OR1D2: variants seen among roughly 807,000 people sequenced by gnomAD.
OR1D2 encodes olfactory receptor 1D2.
For missense variants in OR1D2, 357 were observed against 376.1 expected (o/e 0.95, Z 0.42); for synonymous variants, 157 against 153.9 (o/e 1.02, Z -0.15).
chr17:3,100,752 T>A (rs576801961), intron 1 of OR1D2, among the ~76,000 whole-genome samples: 1 of 151,626 alleles, frequency 6.6e-6, no homozygotes, highest in South Asian at 2.1e-4. Flanking sequence ...TTTGAAAAAA[T>A]TAACAAAATG....
At chr17:3,102,708 CG>C (rs1400964389) in intron 1 of OR1D2, among the ~76,000 whole-genome samples, 3 of 152,102 alleles carry the variant, frequency 2.0e-5, no homozygotes, top group African/African-American at 7.2e-5. Flanking sequence ...CCACCTCCCC[CG>C]GGGTCAGGAG....
At chr17:3,102,347 C>T (rs963511534) in intron 1 of OR1D2, among the ~76,000 whole-genome samples, 9 of 152,042 alleles carry the variant, frequency 5.9e-5, no homozygotes, top group African/African-American at 1.9e-4. Flanking sequence ...TAGATGTCCA[C>T]GGTAGGTGGC....
Position 3,092,139 on chromosome 17 carries a change from G to A in OR1D2, c.858C>T (p.Pro286=). 2 of 1,614,050 alleles carry A rather than the reference G, an allele frequency of 1.2e-6. No homozygotes were observed. The highest frequency in any genetic ancestry group is 1.7e-6 in the Non-Finnish European group (2 of 1,179,924). The change falls in exon 2 of 2, where the codon CCC becomes CCT. Residue 286 remains proline, a synonymous_variant. Coordinates refer to ENST00000641833, the MANE Select transcript of OR1D2 (RefSeq NM_002548.3). ...CCTTGTTCCTCAGGCTGTAGATGAA[G>A]GGATTCATCATGGGTGTCACCACAG... ...MYAVVTPMMN[P]FIYSLRNKDM...
At chr17:3,101,116 C>G (rs1002312546) in intron 1 of OR1D2, among the ~76,000 whole-genome samples, 1 of 152,136 alleles carries the variant, frequency 6.6e-6, no homozygotes, top group Non-Finnish European at 1.5e-5. Flanking sequence ...GGTACCACTC[C>G]TTCTGAAACT....
At chr17:3,100,285 C>T (rs560188711) in intron 1 of OR1D2, among the ~76,000 whole-genome samples, 7 of 152,226 alleles carry the variant, frequency 4.6e-5, no homozygotes, top group East Asian at 1.9e-4. Flanking sequence ...GGAAGTAAAA[C>T]GCTCCTCAGC....
chr17:3,102,240 T>C (rs2047877941), intron 1 of OR1D2, among the ~76,000 whole-genome samples: 1 of 152,098 alleles, frequency 6.6e-6, no homozygotes, highest in Non-Finnish European at 1.5e-5. Context: ...TTAAAGTAAT[T>C]TGGAGTGCCA....
At position 3,089,160 on chromosome 17, in the gene OR1D2, TG is replaced by T. The variant is rs1249535316; in HGVS notation, c.*2897del. The stretch of plus-strand genomic sequence containing the variant: ...CAAGGGCTACTTATCAGATTGTTTT[TG>T]TCCATGGGATCCCCCCTTGATATGG... On this transcript the variant is annotated 3_prime_UTR_variant, in exon 2 of 2. Transcript: ENST00000641833. 6.6e-6 allele frequency: 1 copy of T among 152,252 alleles called. No homozygotes were observed. The highest frequency in any genetic ancestry group is 1.5e-5 in the Non-Finnish European group (1 of 68,058). The allele number at this position is 152,252 out of a possible 1,614,324, so 9.4% of individuals were successfully genotyped here. A position where few individuals can be genotyped will look rare whatever the true frequency, so the allele number is the denominator to read the frequency against.
At chr17:3,101,426 C>T (rs923946279) in intron 1 of OR1D2, among the ~76,000 whole-genome samples, 62 of 152,140 alleles carry the variant, frequency 4.1e-4, no homozygotes, top group Middle Eastern at 6.8e-3. Flanking sequence ...AACAACCATA[C>T]GATTATCTCA....
chr17:3,098,905 C>T (rs1020773833), intron 1 of OR1D2, among the ~76,000 whole-genome samples: 3 of 151,948 alleles, frequency 2.0e-5, no homozygotes, highest in Admixed American at 6.6e-5. Context: ...CCAGCTGAAC[C>T]GACCAAGTGG....
At chr17:3,096,161 G>T (rs1356697076) in intron 1 of OR1D2, among the ~76,000 whole-genome samples, 1 of 151,860 alleles carries the variant, frequency 6.6e-6, no homozygotes, top group Non-Finnish European at 1.5e-5. Flanking sequence ...AAGTGGACAA[G>T]GAAAATAGAG....
At position 3,092,632 on chromosome 17, in the gene OR1D2, C is replaced by T. The variant is rs375272608; in HGVS notation, c.365G>A (p.Arg122His). 124 of 1,613,794 alleles carry T rather than the reference C, an allele frequency of 7.7e-5. No homozygotes were observed. In the East Asian group the frequency reaches 1.5e-3, roughly 20 times the overall value. ...NLILAVMAYD[R>H]YVAICCPLHY... ...GAGGGGGCAGCAGATGGCCACATAG[C>T]GGTCATATGCCATCACAGCCAGGAT... Residue 122 changes from arginine to histidine, a missense_variant, in exon 2 of 2, where the codon CGC becomes CAC. Physicochemically the swap from Arg to His is conservative, Grantham distance 29 (BLOSUM62 0). Transcript: ENST00000641833.
At chr17:3,102,708 C>A (rs75164711) in intron 1 of OR1D2, among the ~76,000 whole-genome samples, 1 of 152,102 alleles carries the variant, frequency 6.6e-6, no homozygotes, top group Non-Finnish European at 1.5e-5. Context: ...CCACCTCCCC[C>A]GGGGTCAGGA....
At chr17:3,097,536 A>G (rs1057098959) in intron 1 of OR1D2, among the ~76,000 whole-genome samples, 4 of 152,158 alleles carry the variant, frequency 2.6e-5, no homozygotes, top group African/African-American at 9.7e-5. Flanking sequence ...GGAACTCTGC[A>G]ACCCACAAAT....
Position 3,092,367 on chromosome 17 carries a change from G to A in OR1D2, c.630C>T (p.Pro210=). Residue 210 remains proline, a synonymous_variant, in exon 2 of 2, where the codon CCC becomes CCT. Coordinates refer to ENST00000641833, the MANE Select transcript of OR1D2 (RefSeq NM_002548.3). Reference sequence around the variant, plus strand: ...CATAGGAAATGATCACGAATCCAAAGGGAATGAGGAAGATGAAGCAGCCTG... The same window carrying A: ...CATAGGAAATGATCACGAATCCAAAAGGAATGAGGAAGATGAAGCAGCCTG... The part of the protein sequence containing the change: ...IATGCFIFLI[P]FGFVIISYVL... 1.2e-6 allele frequency: 2 copies of A among 1,614,206 alleles called. No homozygotes were observed. The highest frequency in any genetic ancestry group is 1.7e-6 in the Non-Finnish European group (2 of 1,180,040).
chr17:3,098,733 A>C (rs4060718), intron 1 of OR1D2, among the ~76,000 whole-genome samples: 38,493 of 152,102 alleles, frequency 0.25, 7,322 homozygotes, highest in African/African-American at 0.53. Context: ...AACTCCTCCG[A>C]GCTAAAGGAG....
rs1219627577 is a variant in OR1D2 at position 3,091,842 on chromosome 17, G to C, written c.*216C>G. ...AAGAATTTGACCCTGCAACATTCTA[G>C]TGTTGGTGTTAGTGTGACCTTATTT... is the stretch of plus-strand genomic sequence containing the variant. On this transcript the variant is annotated 3_prime_UTR_variant, in exon 2 of 2. Transcript: ENST00000641833. 2 of 491,888 alleles carry C rather than the reference G, an allele frequency of 4.1e-6. No homozygotes were observed. Among genetic ancestry groups the C allele is most frequent in the Non-Finnish European group, 7.3e-6 (2 of 274,562 alleles). 30.5% of individuals were successfully genotyped at this position (491,888 alleles called of 1,614,324 possible).
chr17:3,093,553 T>G (rs2047828060), intron 1 of OR1D2, among the ~76,000 whole-genome samples: 1 of 152,138 alleles, frequency 6.6e-6, no homozygotes, highest in Non-Finnish European at 1.5e-5. Flanking sequence ...GGTTCCAGAG[T>G]TCCTTAAGAC....
intron 1 of OR1D2, among the ~76,000 whole-genome samples, chr17:3,095,851 G>T (rs62089859): frequency 0.083 from 12,562 of 152,066 alleles, 638 homozygotes; most frequent in African/African-American, 0.14. Flanking sequence ...TGGAGGCAAA[G>T]TTGGACTAAG....
chr17:3,089,057 G>C lies in OR1D2; in HGVS notation c.*3001C>G, dbSNP rs1367818387. 1 of 152,152 alleles carries C rather than the reference G, an allele frequency of 6.6e-6. No individual in the cohort carries two copies. The highest frequency in any genetic ancestry group is 6.5e-5 in the Admixed American group (1 of 15,282). The allele number at this position is 152,152 out of a possible 1,614,324, so 9.4% of individuals were successfully genotyped here. On this transcript the variant is annotated 3_prime_UTR_variant, in exon 2 of 2. Transcript: ENST00000641833. ...TCTTTCAAGGGTGTTAAAGAACCTT[G>C]TTTTGTCATATTACCAGATTTGTTT...
Sources: allele counts gnomAD v4.1 joint callset (sites outside exome capture counted in the v4.1 genomes callset), GRCh38; gene constraint gnomAD v4.1.1; transcripts MANE v1.5; gene names NCBI Gene and HGNC (gene_info 2026-07-23, HGNC 2026-07-21).